LRRC4C: variants seen among roughly 807,000 people sequenced by gnomAD.
LRRC4C encodes the protein leucine rich repeat containing 4C, also known as leucine-rich repeat-containing protein 4C.
LRRC4C carries 5 observed loss-of-function variants against 33.6 expected under a neutral mutation model. The ratio of observed to expected loss-of-function variants is 0.15; its 90% CI spans 0.08 to 0.31. LRRC4C has a LOEUF of 0.31. LRRC4C is among the 10% of genes least tolerant of loss of function. The probability of loss-of-function intolerance (pLI) is 1.00; values close to 1 mark genes in which losing one functional copy is unlikely to be tolerated. For synonymous variants in LRRC4C, 329 were observed against 302.0 expected, an observed-to-expected ratio of 1.09 and a Z score of -0.93; for missense variants, 560 against 796.7, an observed-to-expected ratio of 0.70 and a Z score of 3.58.
At chr11:40,632,450 C>T (rs1379896375) in intron 3 of LRRC4C, among the ~76,000 whole-genome samples, 1 of 152,176 alleles carries the variant, frequency 6.6e-6, no homozygotes, top group Non-Finnish European at 1.5e-5. Context: ...TGCAAGCATG[C>T]TTCTCTTTCA....
At chr11:41,195,763 G>A (rs1946152669) in intron 1 of LRRC4C, among the ~76,000 whole-genome samples, 1 of 151,952 alleles carries the variant, frequency 6.6e-6, no homozygotes, top group East Asian at 1.9e-4. Context: ...AAAGGAGCAA[G>A]TTTTTTTTAA....
intron 4 of LRRC4C, among the ~76,000 whole-genome samples, chr11:40,267,095 A>G (rs549830016): frequency 6.6e-6 from 1 of 152,208 alleles, no homozygotes; most frequent in Non-Finnish European, 1.5e-5. Context: ...CTTGAGGATA[A>G]GGGTGGAGAA....
At chr11:41,418,530 C>T (rs541840233) in intron 1 of LRRC4C, among the ~76,000 whole-genome samples, 5 of 151,914 alleles carry the variant, frequency 3.3e-5, no homozygotes, top group South Asian at 2.1e-4. Context: ...CCTGTAAAAG[C>T]GCCCATGACA....
Position 40,717,917 on chromosome 11 carries a change from C to T in LRRC4C, c.-406-69639G>A, listed in dbSNP as rs747921225. On this transcript the variant is annotated intron_variant, in intron 2 of 6. Transcript: ENST00000528697. ...CTTAAATATCTGGTAGTATATACCA[C>T]AATTACTCTGTTTGCTATAACTGAT... Among the ~76,000 whole-genome samples, 155 of 152,228 alleles carry T rather than the reference C, an allele frequency of 1.0e-3. 2 individuals are homozygous for T. Among genetic ancestry groups the T allele is most frequent in the Non-Finnish European group, 1.9e-3 (129 of 68,024 alleles).
At chr11:40,728,933 C>T (rs932076441) in intron 2 of LRRC4C, among the ~76,000 whole-genome samples, 1 of 129,430 alleles carries the variant, frequency 7.7e-6, no homozygotes, top group African/African-American at 2.9e-5. Flanking sequence ...TTCTTGGGTA[C>T]ACATCGACAT....
At chr11:40,248,173 G>A (rs11035748) in intron 4 of LRRC4C, among the ~76,000 whole-genome samples, 2,087 of 151,916 alleles carry the variant, frequency 0.014, 75 homozygotes, top group East Asian at 0.1. Context: ...CATTCTTCTG[G>A]GTCAAGTTCC....
At chr11:40,522,008 G>A (rs987615474) in intron 3 of LRRC4C, among the ~76,000 whole-genome samples, 1 of 152,178 alleles carries the variant, frequency 6.6e-6, no homozygotes, top group African/African-American at 2.4e-5. Context: ...CTAAAAAGAT[G>A]TATTAACACC....
At chr11:40,840,752 C>T (rs771511971) in intron 2 of LRRC4C, among the ~76,000 whole-genome samples, 6 of 151,962 alleles carry the variant, frequency 3.9e-5, no homozygotes, top group Admixed American at 6.6e-5. Context: ...AAAGAATTCA[C>T]GTTCAAATTC....
chr11:41,305,989 G>A (rs1227901385), intron 1 of LRRC4C, among the ~76,000 whole-genome samples: 1 of 146,514 alleles, frequency 6.8e-6, no homozygotes, highest in Non-Finnish European at 1.5e-5. Context: ...TATGCTGAAC[G>A]CTGGCCCCCT....
intron 2 of LRRC4C, among the ~76,000 whole-genome samples, chr11:40,774,427 T>C (rs1189353542): frequency 6.6e-6 from 1 of 152,112 alleles, no homozygotes; most frequent in Non-Finnish European, 1.5e-5. Context: ...CAAGTTGACA[T>C]TGGAGTAGTC....
intron 3 of LRRC4C, among the ~76,000 whole-genome samples, chr11:40,444,317 A>ATT (rs5791381): frequency 2.0e-5 from 3 of 147,978 alleles, no homozygotes; most frequent in African/African-American, 5.0e-5. Context: ...CTGCCTTAAC[A>ATT]TTTTTTTTAA....
At chr11:41,446,568 A>G (rs1208834155) in intron 1 of LRRC4C, among the ~76,000 whole-genome samples, 3 of 151,970 alleles carry the variant, frequency 2.0e-5, no homozygotes, top group Admixed American at 6.6e-5. Flanking sequence ...TTTCTTTCTC[A>G]GTGGTCCCAG....
intron 1 of LRRC4C, among the ~76,000 whole-genome samples, chr11:41,415,624 C>A (rs1035397469): frequency 6.6e-6 from 1 of 151,976 alleles, no homozygotes; most frequent in Non-Finnish European, 1.5e-5. Flanking sequence ...GTAAAAGCCT[C>A]GAGTCTGTAC....
intron 3 of LRRC4C, among the ~76,000 whole-genome samples, chr11:40,538,061 AG>A (rs1956549296): frequency 1.3e-5 from 2 of 152,188 alleles, no homozygotes; most frequent in Admixed American, 1.3e-4. Flanking sequence ...CTCTCAAACT[AG>A]GTTATACATT....
At chr11:40,653,257 C>T (rs752949826) in intron 2 of LRRC4C, among the ~76,000 whole-genome samples, 5 of 152,128 alleles carry the variant, frequency 3.3e-5, no homozygotes, top group Admixed American at 1.3e-4. Context: ...GTTTGGAGGG[C>T]TTAGAATAAG....
chr11:41,048,955 G>A (rs1159896457), intron 1 of LRRC4C, among the ~76,000 whole-genome samples: 1 of 152,200 alleles, frequency 6.6e-6, no homozygotes, highest in Non-Finnish European at 1.5e-5. Context: ...ATGAAGCATT[G>A]TATGCAGTGG....
chr11:40,581,440 T>C (rs369404992), intron 3 of LRRC4C, among the ~76,000 whole-genome samples: 1 of 152,240 alleles, frequency 6.6e-6, no homozygotes, highest in African/African-American at 2.4e-5. Flanking sequence ...ACCTCGCTCA[T>C]GTTCTTAGCA....
intron 1 of LRRC4C, among the ~76,000 whole-genome samples, chr11:41,437,932 G>A (rs1189032871): frequency 1.3e-5 from 2 of 152,202 alleles, no homozygotes; most frequent in African/African-American, 4.8e-5. Context: ...CAGCCATGTG[G>A]GAGGCTGAGG....
intron 2 of LRRC4C, among the ~76,000 whole-genome samples, chr11:40,857,232 GT>G (rs1163892034): frequency 5.3e-5 from 8 of 152,158 alleles, no homozygotes; most frequent in Non-Finnish European, 1.2e-4. Flanking sequence ...CAGGATACAT[GT>G]GCAGGATGTG....
Sources: gnomAD v4.1 joint callset for allele counts (sites outside exome capture counted in the v4.1 genomes callset) on GRCh38, gnomAD v4.1.1 for gene constraint, MANE v1.5 for transcripts, NCBI Gene and HGNC (gene_info 2026-07-23, HGNC 2026-07-21) for gene names.